The following ISM1 variants were observed in gnomAD, a reference collection of about 807,000 sequenced individuals.
The protein encoded by ISM1 is isthmin-1.
ISM1 carries 25 observed loss-of-function variants against 46.3 expected under a neutral mutation model. The observed-to-expected ratio is 0.54, with a 90% CI of 0.39 to 0.75. The LOEUF is 0.75. Ranked by LOEUF, ISM1 falls within the 30% of genes least tolerant of loss-of-function variation. ISM1 has a pLI of 0.00. For missense variants in ISM1, 536 were observed against 625.4 expected (o/e 0.86, Z 1.52); for synonymous variants, 255 against 256.7 (o/e 0.99, Z 0.06).
chr20:13,249,995 C>T (rs1823416778), intron 1 of ISM1, among the ~76,000 whole-genome samples: 1 of 152,256 alleles, frequency 6.6e-6, no homozygotes, highest in East Asian at 1.9e-4. Context: ...CCAAGAAAGT[C>T]TATAATGGAT....
At chr20:13,249,877 C>G (rs1387481793) in intron 1 of ISM1, among the ~76,000 whole-genome samples, 1 of 152,088 alleles carries the variant, frequency 6.6e-6, no homozygotes, top group Admixed American at 6.6e-5. Context: ...AGACTCCTTT[C>G]TGCACTCTCT....
chr20:13,261,172 G>C (rs243900), intron 1 of ISM1, among the ~76,000 whole-genome samples: 13,764 of 152,238 alleles, frequency 0.09, 705 homozygotes, highest in East Asian at 0.17. Flanking sequence ...CCAGCACTTT[G>C]AGAGGCTGAG....
At position 13,221,696 on chromosome 20, in the gene ISM1, G is replaced by A. The variant is rs2039450183; in HGVS notation, c.-81G>A. 7 of 1,200,986 alleles carry A rather than the reference G, an allele frequency of 5.8e-6. No individual in the cohort carries two copies. The highest frequency in any genetic ancestry group is 7.4e-6 in the Non-Finnish European group (7 of 951,728). The allele number at this position is 1,200,986 out of a possible 1,614,324, so 74.4% of individuals were successfully genotyped here. A position where few individuals can be genotyped will look rare whatever the true frequency, so the allele number is the denominator to read the frequency against. On this transcript the variant is annotated 5_prime_UTR_variant, in exon 1 of 6. Transcript: ENST00000262487. The stretch of plus-strand genomic sequence containing the variant: ...GGGAGCCGCGCTGCCGGGCTCCCGG[G>A]CTCCTACTCCTCCTCCCCCGGCGTC...
intron 1 of ISM1, among the ~76,000 whole-genome samples, chr20:13,255,738 C>T (rs943912158): frequency 5.3e-5 from 8 of 152,174 alleles, no homozygotes; most frequent in African/African-American, 1.9e-4. Flanking sequence ...TCAGCCATTA[C>T]TTGCCCCCTC....
In ISM1 at chr20:13,230,113, G is replaced by A. The variant is rs575348234; in HGVS notation, c.138+8199G>A. Among the ~76,000 whole-genome samples, 12 of 152,284 alleles carry A rather than the reference G, an allele frequency of 7.9e-5. No homozygotes were observed. The East Asian group carries it at 1.7e-3, about 22-fold the overall frequency. On this transcript the variant is annotated intron_variant, in intron 1 of 5. Transcript: ENST00000262487. ...TTGAGGTTTGGGGGCATCCTCAGAT[G>A]TCTATTCATTTGGTCAAGAAGAATC...
chr20:13,293,922 C>T (rs1303115380), intron 5 of ISM1, among the ~76,000 whole-genome samples: 3 of 150,760 alleles, frequency 2.0e-5, no homozygotes, highest in East Asian at 1.9e-4. Context: ...TGCAGTGAGT[C>T]GAGATCACAC....
chr20:13,297,358 C>T (rs1251326319), intron 5 of ISM1, among the ~76,000 whole-genome samples: 2 of 152,172 alleles, frequency 1.3e-5, no homozygotes, highest in Admixed American at 1.3e-4. Context: ...CAGTTCCTTA[C>T]AGTGGTTACT....
At chr20:13,321,253 T>TAAAAAAAAAAA in the ISM1 span, among the ~76,000 whole-genome samples, 6 of 57,516 alleles carry the variant, frequency 1.0e-4, no homozygotes, top group Non-Finnish European at 1.6e-4. Flanking sequence ...GTGCCCCACA[T>TAAAAAAAAAAA]AAAAAAAAAA....
At chr20:13,304,654 G>C (rs2040485843), downstream of ISM1, among the ~76,000 whole-genome samples, 1 of 152,178 alleles carries the variant, frequency 6.6e-6, no homozygotes, top group South Asian at 2.1e-4. Context: ...CTGAGTGCCT[G>C]TCAGTCAACT....
chr20:13,267,871 CAAG>C (rs1381361465), intron 1 of ISM1, among the ~76,000 whole-genome samples: 2 of 152,178 alleles, frequency 1.3e-5, no homozygotes, highest in Non-Finnish European at 2.9e-5. Context: ...GCTTGATTTA[CAAG>C]AAGTACTAAA....
chr20:13,299,873 T>C lies in ISM1; in HGVS notation c.*414T>C, dbSNP rs1200188944. ...CTTATTTAATACAAATGTGACTTAA[T>C]TAAGCGTAACCTTTTCTCTGGAGTT... On this transcript the variant is annotated 3_prime_UTR_variant, in exon 6 of 6. Transcript: ENST00000262487. This position sits in a 1 kb window ranked among gnomAD's most constrained non-coding sequence, Gnocchi z 5.8. 1 of 160,388 alleles carries C rather than the reference T, an allele frequency of 6.2e-6. No individual in the cohort carries two copies. The highest frequency in any genetic ancestry group is 1.4e-5 in the Non-Finnish European group (1 of 72,950). 9.9% of individuals were successfully genotyped at this position (160,388 alleles called of 1,614,324 possible). A position where few individuals can be genotyped will look rare whatever the true frequency, so the allele number is the denominator to read the frequency against.
chr20:13,226,217 T>C (rs1265311917), intron 1 of ISM1, among the ~76,000 whole-genome samples: 1 of 152,250 alleles, frequency 6.6e-6, no homozygotes, highest in African/African-American at 2.4e-5. Context: ...CTTTTATCCC[T>C]TTATTGCCTT....
In ISM1 at chr20:13,221,460, C is replaced by T. The variant is rs1443051104; in HGVS notation, c.-317C>T. On this transcript the variant is annotated 5_prime_UTR_variant, in exon 1 of 6. Transcript: ENST00000262487. ...GTCCCGGGCTGTCCCGGGACCCAGT[C>T]TCCGTCTCCGCCGCCGCCGCCGCCA... Among the ~76,000 whole-genome samples the T allele has an allele frequency of 6.8e-6, 1 of 146,062 alleles. No individual in the cohort carries two copies. The highest frequency in any genetic ancestry group is 2.5e-5 in the African/African-American group (1 of 40,566).
chr20:13,253,658 G>A (rs994116340), intron 1 of ISM1, among the ~76,000 whole-genome samples: 5 of 152,078 alleles, frequency 3.3e-5, no homozygotes, highest in East Asian at 1.9e-4. Context: ...GATAGGACCC[G>A]AGAATCAGCA....
intron 1 of ISM1, among the ~76,000 whole-genome samples, chr20:13,236,465 C>A (rs2039651015): frequency 1.3e-5 from 2 of 152,052 alleles, no homozygotes; most frequent in Admixed American, 6.5e-5. Flanking sequence ...CAAGTCATAT[C>A]ATTCCACCCC....
chr20:13,277,354 G>T (rs1361857968), intron 2 of ISM1, among the ~76,000 whole-genome samples: 2 of 152,138 alleles, frequency 1.3e-5, no homozygotes, highest in East Asian at 3.9e-4. Context: ...CCTGGCTCTT[G>T]GCAGCCTCTC....
At position 13,279,782 on chromosome 20, in the gene ISM1, A is replaced by C; in HGVS notation, c.527A>C (p.Gln176Pro). Reference sequence around the variant, plus strand: ...TTGGCCAGGGCAAACAGCGGGGACCAGGACTACAAGTACGACAGTACCTCA... The same window carrying C: ...TTGGCCAGGGCAAACAGCGGGGACCCGGACTACAAGTACGACAGTACCTCA... ...LSLARANSGD[Q>P]DYKYDSTSDD... Residue 176 changes from glutamine to proline, a missense_variant, in exon 3 of 6, where the codon CAG becomes CCG. Gln to Pro is a moderately conservative substitution (Grantham distance 76, BLOSUM62 -1). Around this residue, in one of 2 missense-constraint regions of ISM1, gnomAD observed 367 missense variants for 376.1 expected, o/e 0.98. Coordinates refer to ENST00000262487, the MANE Select transcript of ISM1 (RefSeq NM_080826.2). The C allele has an allele frequency of 6.2e-7, 1 of 1,614,056 alleles. No individual in the cohort carries two copies. The highest frequency in any genetic ancestry group is 1.1e-5 in the South Asian group (1 of 91,086).
chr20:13,321,458 G>C, the ISM1 span, among the ~76,000 whole-genome samples: 1 of 152,056 alleles, frequency 6.6e-6, no homozygotes, highest in African/African-American at 2.4e-5. Flanking sequence ...GATCCAAGGG[G>C]AGAAACGCTC....
the ISM1 span, among the ~76,000 whole-genome samples, chr20:13,313,038 G>A: frequency 2.6e-5 from 4 of 152,032 alleles, no homozygotes; most frequent in Non-Finnish European, 4.4e-5. Context: ...GGTCCCCCTC[G>A]AGCTAAAAGG....
Sources: allele counts gnomAD v4.1 joint callset (sites outside exome capture counted in the v4.1 genomes callset), GRCh38; gene constraint gnomAD v4.1.1; regional missense constraint gnomAD v4.1.1; non-coding constraint Gnocchi (gnomAD v3.1); transcripts MANE v1.5; gene names NCBI Gene and HGNC (gene_info 2026-07-23, HGNC 2026-07-21).